The following DDX39B variants were observed in gnomAD, a reference collection of about 807,000 sequenced individuals.
DDX39B encodes the protein DExD-box helicase 39B, also known as spliceosome RNA helicase DDX39B.
In DDX39B, 6 loss-of-function variants were observed where a neutral mutation model predicts 46.4. The observed-to-expected ratio is 0.13, with a 90% CI of 0.07 to 0.26. The LOEUF is 0.26. Among genes scored for constraint, DDX39B ranks in the 10% least tolerant of loss-of-function variants. DDX39B has a pLI of 1.00. For missense variants in DDX39B, 185 were observed against 553.4 expected (o/e 0.33, Z 6.68); for synonymous variants, 174 against 199.4 (o/e 0.87, Z 1.07).
intron 7 of DDX39B, 114 bp downstream of exon 7, chr6:31,532,666 A>C (rs964812221): frequency 6.5e-6 from 9 of 1,379,868 alleles, no homozygotes; most frequent in Non-Finnish European, 9.0e-6. Flanking sequence ...TACCCTCATT[A>C]TTCTCTCCCA....
chr6:31,538,216 C>T (rs1413579144), intron 4 of DDX39B, among the ~76,000 whole-genome samples: 2 of 151,944 alleles, frequency 1.3e-5, no homozygotes, highest in Non-Finnish European at 2.9e-5. Context: ...AGTGTAATGG[C>T]ACAATCCCAG....
intron 1 of DDX39B, chr6:31,541,194 A>G (rs1445323005): frequency 1.9e-6 from 1 of 533,610 alleles, no homozygotes. Flanking sequence ...TCCACCTCCC[A>G]TAGCTCTCAG....
rs1012286739 is a variant in DDX39B at position 31,535,027 on chromosome 6, G to A, written c.735+340C>T. On this transcript the variant is annotated intron_variant, in intron 6 of 10. Transcript: ENST00000396172. The surrounding 1 kb of genome is among the most constrained non-coding windows in gnomAD (Gnocchi z 4.6). ...CCTTGAGGGTGCGTGGCTGTAGGGT[G>A]CATGTAAGAGACGATGGATGGGTGG... The A allele has an allele frequency of 3.9e-5, 15 of 389,434 alleles. No individual in the cohort carries two copies. The highest frequency in any genetic ancestry group is 1.9e-5 in the Non-Finnish European group (4 of 205,182). 24.1% of individuals were successfully genotyped at this position (389,434 alleles called of 1,614,324 possible).
Position 31,541,952 on chromosome 6 carries a change from A to T in DDX39B, c.-135T>A. The T allele has an allele frequency of 3.0e-6, 2 of 667,538 alleles. No individual in the cohort carries two copies. Among genetic ancestry groups the T allele is most frequent in the Non-Finnish European group, 2.8e-6 (1 of 361,018 alleles). The allele number at this position is 667,538 out of a possible 1,614,324, so 41.4% of individuals were successfully genotyped here. A position where few individuals can be genotyped will look rare whatever the true frequency, so the allele number is the denominator to read the frequency against. On this transcript the variant is annotated splice_region_variant and 5_prime_UTR_variant, in exon 1 of 11. Transcript: ENST00000396172. ...TTGTAGCGAAGGCCAAAGCTTACCT[A>T]AACAGGGAGAGCGCGTATGGCGGCA...
At chr6:31,539,411 C>T (rs1423845306) in intron 2 of DDX39B, 137 bp from the exon 3 acceptor site, 8 of 1,238,772 alleles carry the variant, frequency 6.5e-6, no homozygotes, top group South Asian at 1.5e-5. Flanking sequence ...AACTTCCAGA[C>T]CCATTTTACC....
rs201361330 is a variant in DDX39B, at chr6:31,540,682, AAAAGC to A, written c.-132-23_-132-19del. ...CAGAAGAGCTGGAGGGGGGAAAAAA[AAAAGC>A]AAGACTTAATCACGAGCACAGCCTT... On this transcript the variant is annotated intron_variant, in intron 1 of 10. Coordinates refer to ENST00000396172, the MANE Select transcript of DDX39B (RefSeq NM_004640.7). The A allele has an allele frequency of 1.2e-5, 8 of 690,108 alleles. No homozygotes were observed. The East Asian group carries it at 2.2e-4, about 19-fold the overall frequency. The allele number at this position is 690,108 out of a possible 1,614,324, so 42.7% of individuals were successfully genotyped here. A position where few individuals can be genotyped will look rare whatever the true frequency, so the allele number is the denominator to read the frequency against.
chr6:31,538,673 C>T, intron 4 of DDX39B, 90 bp downstream of exon 4: 1 of 1,226,270 alleles, frequency 8.2e-7, no homozygotes, highest in Non-Finnish European at 1.1e-6. Flanking sequence ...ACTAAAGCTT[C>T]TCCAAAATTA....
intron 2 of DDX39B, 35 bp from the exon 3 acceptor site, chr6:31,539,309 T>C (rs760264014): frequency 1.6e-5 from 26 of 1,602,136 alleles, no homozygotes; most frequent in Non-Finnish European, 2.1e-5. Flanking sequence ...TAAATTAGAC[T>C]TCAGTCTCCA....
chr6:31,532,594 T>C (rs1232317783), intron 7 of DDX39B, 186 bp downstream of exon 7: 1 of 672,228 alleles, frequency 1.5e-6, no homozygotes, highest in Non-Finnish European at 2.4e-6. Context: ...GACATACCCG[T>C]GCCAGCCATA....
At position 31,532,837 on chromosome 6, in the gene DDX39B, C is replaced by T; in HGVS notation, c.810G>A (p.Lys270=). The T allele has an allele frequency of 6.2e-7, 1 of 1,608,116 alleles. No individual in the cohort carries two copies. The highest frequency in any genetic ancestry group is 1.3e-5 in the African/African-American group (1 of 74,614). The part of the protein sequence containing the change: ...HGLQQYYVKL[K]DNEKNRKLFD... Reference sequence around the variant, plus strand: ...AGAGCTTCCGGTTCTTCTCGTTGTCCTTCAGTTTCACGTAGTACTGCTGCA... The same window carrying T: ...AGAGCTTCCGGTTCTTCTCGTTGTCTTTCAGTTTCACGTAGTACTGCTGCA... Residue 270 remains lysine, a synonymous_variant, in exon 7 of 11, where the codon AAG becomes AAA. Coordinates refer to ENST00000396172, the MANE Select transcript of DDX39B (RefSeq NM_004640.7).
chr6:31,530,362 T>G lies in DDX39B; in HGVS notation c.*72A>C. Reference sequence around the variant, plus strand: ...GGGCTGTCAGGGGTGGGGGCAGTAGTGTCTCCTTCACCCCCACCCTGGTGT... The same window carrying G: ...GGGCTGTCAGGGGTGGGGGCAGTAGGGTCTCCTTCACCCCCACCCTGGTGT... On this transcript the variant is annotated 3_prime_UTR_variant, in exon 11 of 11. Transcript: ENST00000396172. The surrounding 1 kb of genome is among the most constrained non-coding windows in gnomAD (Gnocchi z 4.5). The G allele has an allele frequency of 1.3e-6, 2 of 1,577,274 alleles. No homozygotes were observed. Among genetic ancestry groups the G allele is most frequent in the East Asian group, 4.5e-5 (2 of 44,674 alleles).
intron 7 of DDX39B, chr6:31,532,567 TC>T: frequency 5.6e-6 from 3 of 532,068 alleles, no homozygotes; most frequent in Non-Finnish European, 9.7e-6. Context: ...AAGTTTATTT[TC>T]CTTGAGGTTA....
At chr6:31,536,321 T>C in intron 5 of DDX39B, 179 bp downstream of exon 5, 1 of 875,122 alleles carries the variant, frequency 1.1e-6, no homozygotes, top group Non-Finnish European at 1.9e-6. Context: ...AGATGATAGA[T>C]GACACCCTTT....
At position 31,535,095 on chromosome 6, in the gene DDX39B, A is replaced by G. The variant is rs1158319328; in HGVS notation, c.735+272T>C. 1.7e-5 allele frequency: 9 copies of G among 520,036 alleles called. No individual in the cohort carries two copies. In the East Asian group the frequency reaches 3.0e-4, roughly 17 times the overall value. 32.2% of individuals were successfully genotyped at this position (520,036 alleles called of 1,614,324 possible). On this transcript the variant is annotated intron_variant, in intron 6 of 10. Coordinates refer to ENST00000396172, the MANE Select transcript of DDX39B (RefSeq NM_004640.7). The surrounding 1 kb of genome is among the most constrained non-coding windows in gnomAD (Gnocchi z 4.6). ...TCCTGCCCTCCCCCAAAGGGAGAAG[A>G]GGTTCAAAAATGTTGTGATTTATGA...
Position 31,531,285 on chromosome 6 carries a change from C to A in DDX39B, c.977+11G>T. On this transcript the variant is annotated intron_variant, in intron 8 of 10. Transcript: ENST00000396172. This position sits in a 1 kb window ranked among gnomAD's most constrained non-coding sequence, Gnocchi z 5.8. Reference sequence around the variant, plus strand: ...CAAGGACACAAAATATCTTTCCCATCTTCAGCTCACCTCTCCTCCTGGGGC... The same window carrying A: ...CAAGGACACAAAATATCTTTCCCATATTCAGCTCACCTCTCCTCCTGGGGC... 5.0e-6 allele frequency: 8 copies of A among 1,614,216 alleles called. No homozygotes were observed. The highest frequency in any genetic ancestry group is 6.8e-6 in the Non-Finnish European group (8 of 1,180,030).
rs140814132 is a variant in DDX39B, at chr6:31,540,380, C to G, written c.153G>C (p.Leu51=). 1.9e-4 allele frequency: 311 copies of G among 1,614,080 alleles called. No individual in the cohort carries two copies. The highest frequency in any genetic ancestry group is 2.2e-4 in the Non-Finnish European group (265 of 1,180,046). The change falls in exon 2 of 11, where the codon CTG becomes CTC. Residue 51 remains leucine (L), a synonymous_variant. Coordinates refer to ENST00000396172, the MANE Select transcript of DDX39B (RefSeq NM_004640.7). ...TGGCCCGGAGCAACTCTGGCTTGAG[C>G]AGGAAGTCACGAAAGCCAGAGCTGT... ...SIHSSGFRDF[L]LKPELLRAIV...
At chr6:31,541,074 C>G (rs746801915) in intron 1 of DDX39B, 1 of 530,772 alleles carries the variant, frequency 1.9e-6, no homozygotes, top group African/African-American at 1.9e-5. Flanking sequence ...CTATTATAAT[C>G]CCACCGTTAT....
chr6:31,530,594 A>G lies in DDX39B; in HGVS notation c.1271-144T>C. 1.7e-6 allele frequency: 2 copies of G among 1,186,894 alleles called. No homozygotes were observed. Among genetic ancestry groups the G allele is most frequent in the East Asian group, 2.7e-5 (1 of 37,654 alleles). The allele number at this position is 1,186,894 out of a possible 1,614,324, so 73.5% of individuals were successfully genotyped here. ...GTGAGGGAAGGGATGTAATATGATGAGAGAAGACAAGACACCCCACATAAA... is the reference window on the plus strand; with the variant it reads ...GTGAGGGAAGGGATGTAATATGATGGGAGAAGACAAGACACCCCACATAAA... On this transcript the variant is annotated intron_variant, in intron 10 of 10. Coordinates refer to ENST00000396172, the MANE Select transcript of DDX39B (RefSeq NM_004640.7). This position sits in a 1 kb window ranked among gnomAD's most constrained non-coding sequence, Gnocchi z 4.5.
rs1392399973 is a variant in DDX39B, at chr6:31,534,610, G to A, written c.735+757C>T. Reference sequence around the variant, plus strand: ...TATTGGGGGAAACGGGGCACGGCACGCGTTGGGTTCAGGAAAAAAACCGGG... The same window carrying A: ...TATTGGGGGAAACGGGGCACGGCACACGTTGGGTTCAGGAAAAAAACCGGG... On this transcript the variant is annotated intron_variant, in intron 6 of 10. Transcript: ENST00000396172. The surrounding 1 kb of genome is among the most constrained non-coding windows in gnomAD (Gnocchi z 5.1). 12 of 406,960 alleles carry A rather than the reference G, an allele frequency of 2.9e-5. No homozygotes were observed. Among genetic ancestry groups the A allele is most frequent in the South Asian group, 1.1e-4 (6 of 55,074 alleles). 25.2% of individuals were successfully genotyped at this position (406,960 alleles called of 1,614,324 possible).
Sources: allele counts gnomAD v4.1 joint callset (sites outside exome capture counted in the v4.1 genomes callset), GRCh38; gene constraint gnomAD v4.1.1; non-coding constraint Gnocchi (gnomAD v3.1); transcripts MANE v1.5; gene names NCBI Gene and HGNC (gene_info 2026-07-23, HGNC 2026-07-21).